COL22A1: variants seen among roughly 807,000 people sequenced by gnomAD.
COL22A1 encodes the protein collagen type XXII alpha 1 chain, also known as collagen alpha-1(XXII) chain.
Under a neutral mutation model 248.9 loss-of-function variants are expected in COL22A1, and 221 were observed. The observed-to-expected ratio is 0.89, with a 90% CI of 0.80 to 0.99. The LOEUF is 0.99. COL22A1 is among the 50% of genes least tolerant of loss of function. The pLI is 0.00. For synonymous variants in COL22A1, 891 were observed against 793.4 expected (o/e 1.12, Z -2.07); for missense variants, 2,240 against 2,179.0 (o/e 1.03, Z -0.56).
In COL22A1 at chr8:138,613,963, T is replaced by G. The variant is rs202002608; in HGVS notation, c.3925-43A>C. On this transcript the variant is annotated intron_variant, in intron 55 of 64. Transcript: ENST00000303045. The stretch of plus-strand genomic sequence containing the variant: ...AGATGGTGTCATCATCAAGTCACTG[T>G]GTGAAGGTGATGGCATCCCAATTTC... 5.7e-4 allele frequency: 847 copies of G among 1,491,902 alleles called. No individual in the cohort carries two copies. In the African/African-American group the frequency reaches 5.7e-3, roughly 10 times the overall value. 92.4% of individuals were successfully genotyped at this position (1,491,902 alleles called of 1,614,324 possible).
intron 1 of COL22A1, among the ~76,000 whole-genome samples, chr8:138,889,479 C>T (rs1001792710): frequency 2.6e-4 from 39 of 152,042 alleles, no homozygotes; most frequent in Admixed American, 1.9e-3. Flanking sequence ...AACCAAACAC[C>T]GCATGTTCTC....
At chr8:138,852,165 G>A (rs745339759) in intron 3 of COL22A1, among the ~76,000 whole-genome samples, 1 of 152,140 alleles carries the variant, frequency 6.6e-6, no homozygotes, top group Non-Finnish European at 1.5e-5. Flanking sequence ...AGGTAGAAGT[G>A]GCCCAGGTTG....
chr8:138,857,632 C>A (rs76465136), intron 3 of COL22A1, among the ~76,000 whole-genome samples: 3 of 152,184 alleles, frequency 2.0e-5, no homozygotes, highest in African/African-American at 7.2e-5. Context: ...GAGGAACAAC[C>A]AAGAAAAGGG....
rs147376462 is a variant in COL22A1, at chr8:138,636,932, C to T, written c.3502-137G>A. The T allele has an allele frequency of 7.7e-4, 569 of 734,708 alleles. 3 individuals are homozygous for T. Among genetic ancestry groups the T allele is most frequent in the African/African-American group, 7.2e-3 (413 of 57,202 alleles). 45.5% of individuals were successfully genotyped at this position (734,708 alleles called of 1,614,324 possible). A position where few individuals can be genotyped will look rare whatever the true frequency, so the allele number is the denominator to read the frequency against. Reference sequence around the variant, plus strand: ...TCAAGTTCCTGTGGTAGCTCAGGCACGGTGGCAGCAGATAGATAGAAACAG... The same window carrying T: ...TCAAGTTCCTGTGGTAGCTCAGGCATGGTGGCAGCAGATAGATAGAAACAG... On this transcript the variant is annotated intron_variant, in intron 47 of 64. Coordinates refer to ENST00000303045, the MANE Select transcript of COL22A1 (RefSeq NM_152888.3).
At chr8:138,643,825 A>T (rs1414631808) in intron 47 of COL22A1, among the ~76,000 whole-genome samples, 1 of 152,020 alleles carries the variant, frequency 6.6e-6, no homozygotes, top group East Asian at 1.9e-4. Context: ...TCAGCCTCCC[A>T]AGTAGCTGGG....
intron 33 of COL22A1, 125 bp from the exon 34 acceptor site, chr8:138,694,686 G>T: frequency 7.4e-7 from 1 of 1,360,388 alleles, no homozygotes. Flanking sequence ...CTAGCGTCCT[G>T]AGGAGAAGAA....
intron 6 of COL22A1, among the ~76,000 whole-genome samples, chr8:138,825,280 A>C (rs1455779535): frequency 6.6e-6 from 1 of 152,250 alleles, no homozygotes; most frequent in African/African-American, 2.4e-5. Context: ...ATGTCTCTGC[A>C]TCTCAGTATG....
At chr8:138,645,663 CA>C (rs1448040116) in intron 47 of COL22A1, among the ~76,000 whole-genome samples, 2 of 152,138 alleles carry the variant, frequency 1.3e-5, no homozygotes, top group African/African-American at 4.8e-5. Flanking sequence ...CTTTAGGAAA[CA>C]AAAGGCCAGA....
At position 138,616,938 on chromosome 8, in the gene COL22A1, G is replaced by A. The variant is rs373967661; in HGVS notation, c.3846C>T (p.Gly1282=). The change falls in exon 54 of 65, where the codon GGC becomes GGT. Residue 1282 remains glycine, a synonymous_variant. Transcript: ENST00000303045. ...CCCGGGGACCGGGTGCACCAGAATCGCCTGTGTGTCCCTTGAAGCCCTAGA... is the reference window on the plus strand; with the variant it reads ...CCCGGGGACCGGGTGCACCAGAATCACCTGTGTGTCCCTTGAAGCCCTAGA... ...RGPPGFKGHT[G]DSGAPGPRGE... is the part of the protein sequence containing the mutation. 31 of 1,614,186 alleles carry A rather than the reference G, an allele frequency of 1.9e-5. No individual in the cohort carries two copies. The highest frequency in any genetic ancestry group is 1.3e-4 in the East Asian group (6 of 44,878).
intron 3 of COL22A1, among the ~76,000 whole-genome samples, chr8:138,862,029 A>C (rs1391942955): frequency 7.4e-6 from 1 of 135,360 alleles, no homozygotes; most frequent in Non-Finnish European, 1.6e-5. Context: ...TCTCTACTAA[A>C]AAAAAAAAAA....
At chr8:138,863,102 GATAAA>G (rs1643039857) in intron 3 of COL22A1, among the ~76,000 whole-genome samples, 1 of 152,182 alleles carries the variant, frequency 6.6e-6, no homozygotes, top group African/African-American at 2.4e-5. Flanking sequence ...ATGTTTAAAA[GATAAA>G]ATAAAGTCCT....
chr8:138,755,667 C>T, intron 19 of COL22A1, 118 bp downstream of exon 19: 1 of 1,364,786 alleles, frequency 7.3e-7, no homozygotes, highest in Non-Finnish European at 1.0e-6. Context: ...GTGTTGAAAG[C>T]CTTCTATCCA....
At chr8:138,824,887 G>T (rs1221962960) in intron 6 of COL22A1, among the ~76,000 whole-genome samples, 2 of 152,154 alleles carry the variant, frequency 1.3e-5, no homozygotes, top group African/African-American at 4.8e-5. Flanking sequence ...CTTCAGACAG[G>T]AATCTCAAAT....
At chr8:138,882,252 G>T (rs1035530417) in intron 2 of COL22A1, among the ~76,000 whole-genome samples, 1 of 151,782 alleles carries the variant, frequency 6.6e-6, no homozygotes, top group Non-Finnish European at 1.5e-5. Flanking sequence ...TCCTCCTCTC[G>T]CAGGAACACA....
chr8:138,686,689 T>TCC (rs912667427), intron 37 of COL22A1, among the ~76,000 whole-genome samples: 7 of 152,116 alleles, frequency 4.6e-5, no homozygotes, highest in African/African-American at 1.7e-4. Context: ...GGCATTTGGC[T>TCC]CCCTCTAGAG....
intron 41 of COL22A1, among the ~76,000 whole-genome samples, chr8:138,668,660 C>G (rs1343949375): frequency 6.6e-6 from 1 of 152,186 alleles, no homozygotes; most frequent in Admixed American, 6.5e-5. Context: ...ATAAAGTGAA[C>G]TTTTATTCTC....
chr8:138,908,261 G>T (rs1663857268), intron 1 of COL22A1, among the ~76,000 whole-genome samples: 1 of 152,210 alleles, frequency 6.6e-6, no homozygotes, highest in African/African-American at 2.4e-5. Context: ...TTCAAATGCT[G>T]CATTTTGATT....
rs914131434 is a variant in COL22A1 at position 138,619,313 on chromosome 8, G to T, written c.3825+142C>A. ...GTAGTGTGGCAAAGCTGAATTGACC[G>T]CACAGAAGCACAGCCGTCTGGAGGA... On this transcript the variant is annotated intron_variant, in intron 53 of 64. Transcript: ENST00000303045. 8 of 675,670 alleles carry T rather than the reference G, an allele frequency of 1.2e-5. No individual in the cohort carries two copies. The African/African-American group carries it at 1.3e-4, about 11-fold the overall frequency. 41.9% of individuals were successfully genotyped at this position (675,670 alleles called of 1,614,324 possible). A position where few individuals can be genotyped will look rare whatever the true frequency, so the allele number is the denominator to read the frequency against.
At chr8:138,732,062 C>G (rs10112907) in intron 23 of COL22A1, among the ~76,000 whole-genome samples, 5,357 of 152,266 alleles carry the variant, frequency 0.035, 94 homozygotes, top group Middle Eastern at 0.054. Context: ...CAATATTGAA[C>G]TCATTTTCTA....
Sources: gnomAD v4.1 joint callset for allele counts (sites outside exome capture counted in the v4.1 genomes callset) on GRCh38, gnomAD v4.1.1 for gene constraint, MANE v1.5 for transcripts, NCBI Gene and HGNC (gene_info 2026-07-23, HGNC 2026-07-21) for gene names.